The following CFAP299 variants were observed in gnomAD, a reference collection of about 807,000 sequenced individuals.
CFAP299 encodes cilia and flagella associated protein 299.
Under a neutral mutation model 27.0 loss-of-function variants are expected in CFAP299, and 21 were observed. That is an observed-to-expected ratio of 0.78 (90% CI 0.55 to 1.12). The LOEUF (loss-of-function observed/expected upper bound fraction) is 1.12, where lower values mean the gene tolerates loss of function less well. Ranked by LOEUF, CFAP299 falls within the 50% of genes most tolerant of loss-of-function variation. The pLI is 0.00. For synonymous variants in CFAP299, 104 were observed against 98.1 expected (o/e 1.06, Z -0.36); for missense variants, 310 against 276.6 (o/e 1.12, Z -0.86).
chr4:80,842,560 A>C (rs1205202575), intron 3 of CFAP299, among the ~76,000 whole-genome samples: 1 of 152,182 alleles, frequency 6.6e-6, no homozygotes, highest in Non-Finnish European at 1.5e-5. Context: ...AATGCACAGA[A>C]AGTGCTTAGC....
At chr4:80,648,060 AAAAAAAGG>A (rs1412997736) in intron 3 of CFAP299, among the ~76,000 whole-genome samples, 1 of 152,138 alleles carries the variant, frequency 6.6e-6, no homozygotes, top group Non-Finnish European at 1.5e-5. Context: ...CTCTGTCTCC[AAAAAAAGG>A]AAAAATGTTT....
At chr4:80,362,233 C>G (rs1236632258) in intron 1 of CFAP299, among the ~76,000 whole-genome samples, 1 of 151,208 alleles carries the variant, frequency 6.6e-6, no homozygotes, top group East Asian at 1.9e-4. Flanking sequence ...AGAAATTCAT[C>G]TGCTCCTCTT....
At chr4:80,873,753 T>C in intron 4 of CFAP299, among the ~76,000 whole-genome samples, 1 of 152,220 alleles carries the variant, frequency 6.6e-6, no homozygotes, top group East Asian at 1.9e-4. Flanking sequence ...AAGCTCCGCA[T>C]ATATTTGCAT....
intron 3 of CFAP299, among the ~76,000 whole-genome samples, chr4:80,698,376 AG>A (rs1254953963): frequency 6.6e-6 from 1 of 152,224 alleles, no homozygotes; most frequent in East Asian, 1.9e-4. Flanking sequence ...TCTAGCAGTC[AG>A]TGAATGTTTT....
chr4:80,844,018 C>T (rs147589689), intron 3 of CFAP299, among the ~76,000 whole-genome samples: 5,366 of 152,072 alleles, frequency 0.035, 198 homozygotes, highest in African/African-American at 0.099. Flanking sequence ...GATTTTTGTC[C>T]TTGCCATAGT....
intron 4 of CFAP299, among the ~76,000 whole-genome samples, chr4:80,939,762 G>A (rs1737098411): frequency 6.6e-6 from 1 of 152,070 alleles, no homozygotes; most frequent in African/African-American, 2.4e-5. Flanking sequence ...ACATTTTCAA[G>A]TCTTTACTAT....
chr4:80,739,160 C>A (rs994595213), intron 3 of CFAP299, among the ~76,000 whole-genome samples: 6 of 151,998 alleles, frequency 3.9e-5, no homozygotes, highest in Admixed American at 6.6e-5. Flanking sequence ...ATTGGTTTAT[C>A]CTTTAATCTT....
chr4:80,586,513 GA>G (rs1295429574), intron 3 of CFAP299, among the ~76,000 whole-genome samples: 1 of 152,098 alleles, frequency 6.6e-6, no homozygotes, highest in African/African-American at 2.4e-5. Flanking sequence ...AAACACTATA[GA>G]TTTTTTTAGT....
intron 3 of CFAP299, among the ~76,000 whole-genome samples, chr4:80,782,692 A>T (rs1578119355): frequency 7.6e-6 from 1 of 130,882 alleles, no homozygotes; most frequent in Non-Finnish European, 1.6e-5. Flanking sequence ...ATGAATATAT[A>T]ATATATTCAT....
intron 3 of CFAP299, among the ~76,000 whole-genome samples, chr4:80,656,684 A>C (rs966907138): frequency 3.3e-5 from 5 of 152,184 alleles, no homozygotes; most frequent in African/African-American, 9.7e-5. Flanking sequence ...TGCAATAAAC[A>C]TACATGTGCA....
chr4:80,420,226 C>G (rs1311724826), intron 2 of CFAP299: 1 of 456,016 alleles, frequency 2.2e-6, no homozygotes, highest in Non-Finnish European at 4.4e-6. Context: ...GTCAGACTCT[C>G]AGTTAATCTT....
At chr4:80,797,761 C>T (rs929474995) in intron 3 of CFAP299, among the ~76,000 whole-genome samples, 3 of 152,100 alleles carry the variant, frequency 2.0e-5, no homozygotes, top group African/African-American at 7.2e-5. Flanking sequence ...TCTGGGCCTT[C>T]CCAGCTGGGA....
intron 3 of CFAP299, among the ~76,000 whole-genome samples, chr4:80,678,966 GTGTT>G (rs1201171341): frequency 7.9e-5 from 12 of 152,024 alleles, no homozygotes; most frequent in African/African-American, 2.6e-4. Flanking sequence ...TTGTTTTTCT[GTGTT>G]TGTATGAATT....
chr4:80,687,233 T>C (rs1329811280), intron 3 of CFAP299, among the ~76,000 whole-genome samples: 3 of 152,164 alleles, frequency 2.0e-5, no homozygotes, highest in Non-Finnish European at 4.4e-5. Context: ...CTTCTTTCTG[T>C]TTATTAAATC....
chr4:80,345,276 A>G (rs1722669337), intron 1 of CFAP299, among the ~76,000 whole-genome samples: 1 of 151,874 alleles, frequency 6.6e-6, no homozygotes, highest in African/African-American at 2.4e-5. Flanking sequence ...TTTTGTTATT[A>G]TTATTATTAT....
intron 2 of CFAP299, among the ~76,000 whole-genome samples, chr4:80,382,052 A>G (rs1268678575): frequency 6.6e-6 from 1 of 152,176 alleles, no homozygotes; most frequent in Non-Finnish European, 1.5e-5. Flanking sequence ...GCTGAGGTTG[A>G]GGTTAGTGTT....
intron 3 of CFAP299, among the ~76,000 whole-genome samples, chr4:80,823,316 G>T (rs1031344293): frequency 2.0e-5 from 3 of 151,932 alleles, no homozygotes; most frequent in African/African-American, 7.3e-5. Context: ...TAAAACTCAG[G>T]GCCAGTAATT....
At chr4:80,663,601 T>C (rs1740981416) in intron 3 of CFAP299, among the ~76,000 whole-genome samples, 1 of 152,230 alleles carries the variant, frequency 6.6e-6, no homozygotes, top group Non-Finnish European at 1.5e-5. Context: ...GACATACGTG[T>C]GCATGTGTCC....
intron 3 of CFAP299, among the ~76,000 whole-genome samples, chr4:80,753,756 T>A (rs1210675803): frequency 6.6e-6 from 1 of 152,200 alleles, no homozygotes; most frequent in Non-Finnish European, 1.5e-5. Flanking sequence ...TTTTTTCTGC[T>A]ATGTCAAATC....
Sources: gnomAD v4.1 joint callset for allele counts (sites outside exome capture counted in the v4.1 genomes callset) on GRCh38, gnomAD v4.1.1 for gene constraint, MANE v1.5 for transcripts, NCBI Gene and HGNC (gene_info 2026-07-23, HGNC 2026-07-21) for gene names.